The following COL11A1 variants were observed in gnomAD, a reference collection of about 807,000 sequenced individuals.
The protein encoded by COL11A1 is collagen type XI alpha 1 chain.
COL11A1 carries 74 observed loss-of-function variants against 265.2 expected under a neutral mutation model. The ratio of observed to expected loss-of-function variants is 0.28; its 90% CI spans 0.23 to 0.34. The LOEUF (loss-of-function observed/expected upper bound fraction) is 0.34, where lower values mean the gene tolerates loss of function less well. COL11A1 is among the 10% of genes least tolerant of loss of function. The pLI, the probability that COL11A1 is intolerant of heterozygous loss-of-function variation, is 1.00. For missense variants in COL11A1, 2,165 were observed against 2,263.6 expected (o/e 0.96, Z 0.88); for synonymous variants, 816 against 727.6 (o/e 1.12, Z -1.96).
intron 1 of COL11A1, among the ~76,000 whole-genome samples, chr1:103,092,958 T>A (rs1673443077): frequency 1.3e-5 from 2 of 151,404 alleles, no homozygotes; most frequent in African/African-American, 4.9e-5. Context: ...AGCATAAGGA[T>A]CATTGTTCCA....
rs1649632222 is a variant in COL11A1 at position 102,877,444 on chromosome 1, C to A, written c.*575G>T. The A allele has an allele frequency of 6.6e-6, 1 of 152,512 alleles. No homozygotes were observed. 9.4% of individuals were successfully genotyped at this position (152,512 alleles called of 1,614,324 possible). The stretch of plus-strand genomic sequence containing the variant: ...TTGAACTCTTCAACATCAATATATA[C>A]AAAGGCATTTTATTATTAACCAAAG... On this transcript the variant is annotated 3_prime_UTR_variant, in exon 67 of 67. Coordinates refer to ENST00000370096, the MANE Select transcript of COL11A1 (RefSeq NM_001854.4).
chr1:102,967,834 A>C (rs1661594312), intron 37 of COL11A1, among the ~76,000 whole-genome samples: 1 of 151,826 alleles, frequency 6.6e-6, no homozygotes, highest in Admixed American at 6.6e-5. Flanking sequence ...GAGAGCAAGA[A>C]TCACACACAA....
At position 103,025,582 on chromosome 1, in the gene COL11A1, T is replaced by C. The variant is rs763947443; in HGVS notation, c.929A>G (p.Asn310Ser). The C allele has an allele frequency of 1.9e-6, 3 of 1,613,748 alleles. No individual in the cohort carries two copies. Among genetic ancestry groups the C allele is most frequent in the East Asian group, 2.2e-5 (1 of 44,802 alleles). Reference sequence around the variant, plus strand: ...CTGGTAACTTTCCATTGTTCCATAGTTGTATTCTTGAAAATCATCAACGAT... The same window carrying C: ...CTGGTAACTTTCCATTGTTCCATAGCTGTATTCTTGAAAATCATCAACGAT... Reference protein sequence around the residue: ...ANIVDDFQEYNYGTMESYQTE... With the variant: ...ANIVDDFQEYSYGTMESYQTE... The change falls in exon 7 of 67, where the codon AAC (asparagine) becomes AGC (serine). Residue 310 changes from asparagine to serine, a missense_variant. Physicochemically the swap from Asn to Ser is conservative, Grantham distance 46. Coordinates refer to ENST00000370096, the MANE Select transcript of COL11A1 (RefSeq NM_001854.4).
At chr1:103,055,813 A>G (rs1249538929) in intron 4 of COL11A1, among the ~76,000 whole-genome samples, 1 of 152,202 alleles carries the variant, frequency 6.6e-6, no homozygotes, top group Non-Finnish European at 1.5e-5. Flanking sequence ...AAACGATTGG[A>G]CACCTCTGGT....
At chr1:103,039,560 A>G (rs898108997) in intron 4 of COL11A1, among the ~76,000 whole-genome samples, 4 of 152,242 alleles carry the variant, frequency 2.6e-5, no homozygotes, top group African/African-American at 9.6e-5. Context: ...CAGGGAGAAG[A>G]CAACCATTTC....
chr1:102,880,049 A>C, intron 65 of COL11A1, 133 bp from the exon 66 acceptor site: 1 of 667,126 alleles, frequency 1.5e-6, no homozygotes, highest in Non-Finnish European at 2.6e-6. Flanking sequence ...CCTTAACCTA[A>C]TGAAAAAAAG....
intron 4 of COL11A1, among the ~76,000 whole-genome samples, chr1:103,056,820 A>T (rs1363724598): frequency 6.6e-6 from 1 of 151,118 alleles, no homozygotes; most frequent in African/African-American, 2.5e-5. Context: ...TCTGTTGTCT[A>T]TTAAATGTAC....
At chr1:103,075,835 T>C (rs1208888372) in intron 3 of COL11A1, among the ~76,000 whole-genome samples, 2 of 152,116 alleles carry the variant, frequency 1.3e-5, no homozygotes, top group Non-Finnish European at 2.9e-5. Flanking sequence ...TATTTCCATA[T>C]ACACTTAATC....
intron 8 of COL11A1, 89 bp downstream of exon 8, chr1:103,022,653 T>C (rs1181512415): frequency 1.3e-6 from 2 of 1,537,472 alleles, no homozygotes; most frequent in Admixed American, 3.4e-5. Flanking sequence ...ACCTGCATTT[T>C]AAACCTGAAA....
intron 37 of COL11A1, among the ~76,000 whole-genome samples, chr1:102,967,131 T>C (rs11164647): frequency 0.94 from 143,014 of 151,788 alleles, 67,516 homozygotes; most frequent in East Asian, 1. Flanking sequence ...ACTATAATCA[T>C]CTCTTTCCTT....
chr1:102,973,822 G>T (rs1246632797), intron 36 of COL11A1, among the ~76,000 whole-genome samples: 1 of 152,082 alleles, frequency 6.6e-6, no homozygotes, highest in Non-Finnish European at 1.5e-5. Flanking sequence ...TTTAAGCAGG[G>T]TCTAAAAATT....
chr1:102,964,726 T>G (rs1297692369), intron 38 of COL11A1, among the ~76,000 whole-genome samples: 1 of 152,044 alleles, frequency 6.6e-6, no homozygotes, highest in Admixed American at 6.6e-5. Flanking sequence ...ATTAAATAAT[T>G]AAAATACGTA....
At chr1:103,013,112 T>C (rs190360670) in intron 13 of COL11A1, among the ~76,000 whole-genome samples, 39 of 152,244 alleles carry the variant, frequency 2.6e-4, no homozygotes, top group African/African-American at 7.7e-4. Context: ...ATTTGATAGA[T>C]GTTAAATTAG....
intron 4 of COL11A1, among the ~76,000 whole-genome samples, chr1:103,042,610 G>T (rs1385098700): frequency 6.6e-6 from 1 of 152,050 alleles, no homozygotes; most frequent in African/African-American, 2.4e-5. Flanking sequence ...GGTTGGCATT[G>T]TTTACCCCCA....
chr1:102,918,773 A>T (rs1166669508), intron 49 of COL11A1, among the ~76,000 whole-genome samples: 2 of 152,056 alleles, frequency 1.3e-5, no homozygotes, highest in African/African-American at 2.4e-5. Context: ...AAAGTTGGCA[A>T]AGTGTTACTA....
intron 36 of COL11A1, among the ~76,000 whole-genome samples, chr1:102,973,809 T>A (rs1662201847): frequency 6.6e-6 from 1 of 152,224 alleles, no homozygotes; most frequent in Non-Finnish European, 1.5e-5. Flanking sequence ...TGGTAAATAA[T>A]AATTTAAGCA....
intron 54 of COL11A1, among the ~76,000 whole-genome samples, chr1:102,899,964 G>T (rs72683262): frequency 2.6e-5 from 4 of 152,026 alleles, no homozygotes; most frequent in African/African-American, 9.7e-5. Context: ...AACGTGCATT[G>T]CTTCAGTGAT....
At chr1:102,932,103 A>G (rs1336294287) in intron 46 of COL11A1, among the ~76,000 whole-genome samples, 4 of 149,830 alleles carry the variant, frequency 2.7e-5, no homozygotes, top group Admixed American at 2.0e-4. Context: ...TTTAAAGTTA[A>G]TATTGTTATG....
chr1:102,879,633 C>A (rs1649976434), intron 66 of COL11A1, 50 bp downstream of exon 66: 13 of 1,528,248 alleles, frequency 8.5e-6, no homozygotes, highest in Non-Finnish European at 1.2e-5. Context: ...GAAACGGTGA[C>A]ATGCTGCCTA....
Sources: gnomAD v4.1 joint callset for allele counts (sites outside exome capture counted in the v4.1 genomes callset) on GRCh38, gnomAD v4.1.1 for gene constraint, MANE v1.5 for transcripts, NCBI Gene and HGNC (gene_info 2026-07-23, HGNC 2026-07-21) for gene names.